The following CYP2F1 variants were observed in gnomAD, a reference collection of about 807,000 sequenced individuals.
The protein encoded by CYP2F1 is cytochrome P450 family 2 subfamily F member 1.
In CYP2F1, 33 loss-of-function variants were observed where a neutral mutation model predicts 40.4. The ratio of observed to expected loss-of-function variants is 0.82; its 90% CI spans 0.62 to 1.09. CYP2F1 has a LOEUF of 1.09. CYP2F1 is among the 50% of genes least tolerant of loss of function. The pLI, the probability that CYP2F1 is intolerant of heterozygous loss-of-function variation, is 0.00. For missense variants in CYP2F1, 566 were observed against 655.7 expected (o/e 0.86, Z 1.49); for synonymous variants, 235 against 277.2 (o/e 0.85, Z 1.51).
chr19:41,119,748 T>TATATATATATATACACAC lies in CYP2F1; in HGVS notation c.335-598_335-597insTATATATATATACACACA, dbSNP rs1337166345. Among the ~76,000 whole-genome samples the TATATATATATATACACAC allele has an allele frequency of 7.8e-4, 28 of 36,088 alleles. 1 individual carries two copies. The highest frequency in any genetic ancestry group is 2.5e-3 in the East Asian group (2 of 812). The allele number at this position is 36,088 out of a possible 152,430, so 23.7% of individuals were successfully genotyped here. A position where few individuals can be genotyped will look rare whatever the true frequency, so the allele number is the denominator to read the frequency against. ...CTATATATATATATATATATATATA[T>TATATATATATATACACAC]ACACACACACACACACACACACACA... On this transcript the variant is annotated intron_variant, in intron 3 of 9. Coordinates refer to ENST00000331105, the MANE Select transcript of CYP2F1 (RefSeq NM_000774.5).
rs754170770 is a variant in CYP2F1 at position 41,124,753 on chromosome 19, ACG to A, written c.1006_1007del (p.Arg336AlafsTer37). 39 of 1,605,724 alleles carry A rather than the reference ACG, an allele frequency of 2.4e-5. No individual in the cohort carries two copies. The East Asian group carries it at 3.3e-4, about 14-fold the overall frequency. The part of the protein sequence containing the change: ...VQEEIDLVVG[R>X]ARLPALKDRA... Reference sequence around the variant, plus strand: ...AGGAGGAGATCGACCTCGTGGTGGGACGCGCGCGGCTGCCGGCGCTGAAGGAC... The same window carrying A: ...AGGAGGAGATCGACCTCGTGGTGGGACGCGCGGCTGCCGGCGCTGAAGGAC... On this transcript the variant is annotated frameshift_variant, in exon 8 of 10. Coordinates refer to ENST00000331105, the MANE Select transcript of CYP2F1 (RefSeq NM_000774.5). LOFTEE classifies it high-confidence loss of function.
At chr19:41,126,995 T>C (rs2032571611) in intron 9 of CYP2F1, among the ~76,000 whole-genome samples, 1 of 152,128 alleles carries the variant, frequency 6.6e-6, no homozygotes, top group Admixed American at 6.6e-5. Context: ...AATAGGTAAC[T>C]TACCATATTG....
At chr19:41,119,748 T>TATATATATATATATATAGACAC (rs1337166345) in intron 3 of CYP2F1, among the ~76,000 whole-genome samples, 1 of 36,076 alleles carries the variant, frequency 2.8e-5, no homozygotes, top group Non-Finnish European at 4.9e-5. Context: ...TATATATATA[T>TATATATATATATATATAGACAC]ACACACACAC....
At chr19:41,124,652 C>A in intron 7 of CYP2F1, 67 bp from the exon 8 acceptor site, 1 of 1,441,196 alleles carries the variant, frequency 6.9e-7, no homozygotes, top group Non-Finnish European at 9.4e-7. Context: ...GCACACACCT[C>A]TTATCAGCCT....
Position 41,122,055 on chromosome 19 carries a change from C to T in CYP2F1, c.744C>T (p.Ser248=), listed in dbSNP as rs1440137208. Residue 248 remains serine (S), a synonymous_variant, in exon 6 of 10, where the codon AGC becomes AGT. Coordinates refer to ENST00000331105, the MANE Select transcript of CYP2F1 (RefSeq NM_000774.5). ...GCCTGAGAGACCTCATCGCCCACAG[C>T]GTCCACGACCACCAGGCCTCGCTAG... is the stretch of plus-strand genomic sequence containing the variant. The part of the protein sequence containing the change: ...FKCLRDLIAH[S]VHDHQASLDP... 8 of 1,611,356 alleles carry T rather than the reference C, an allele frequency of 5.0e-6. No homozygotes were observed. In the Admixed American group the frequency reaches 6.7e-5, roughly 13 times the overall value.
In CYP2F1 at chr19:41,120,439, G is replaced by T. The variant is rs1167150563; in HGVS notation, c.427G>T (p.Glu143Ter). Residue 143 changes from glutamate (E) to a stop codon, truncating the protein, a stop_gained, in exon 4 of 10, where the codon GAG (glutamate) becomes TAG (stop). Transcript: ENST00000331105. LOFTEE classifies it high-confidence loss of function. ...RNFGMGKRSI[E>*]ERILEEGSFL... ...TTTCGGGATGGGGAAGAGAAGCATT[G>T]AGGAGCGAATCCTAGAGGAGGGCAG... is the stretch of plus-strand genomic sequence containing the variant. 1 of 1,614,106 alleles carries T rather than the reference G, an allele frequency of 6.2e-7. No individual in the cohort carries two copies. The highest frequency in any genetic ancestry group is 1.1e-5 in the South Asian group (1 of 91,078).
chr19:41,114,818 G>A (rs1467535546), intron 1 of CYP2F1, among the ~76,000 whole-genome samples: 27 of 119,828 alleles, frequency 2.3e-4, no homozygotes, highest in Non-Finnish European at 3.3e-5. Flanking sequence ...TTTTGAGGCT[G>A]GAGTGCAGTG....
intron 7 of CYP2F1, among the ~76,000 whole-genome samples, chr19:41,124,199 C>A (rs576978331): frequency 6.0e-5 from 9 of 150,738 alleles, no homozygotes; most frequent in Non-Finnish European, 1.3e-4. Context: ...CCCTCACTGA[C>A]CCACTTCCTC....
chr19:41,124,605 G>A (rs1446693445), intron 7 of CYP2F1, 114 bp from the exon 8 acceptor site: 3 of 998,516 alleles, frequency 3.0e-6, no homozygotes, highest in Non-Finnish European at 4.3e-6. Context: ...GTGGCGCCCC[G>A]CGCTGGGAGA....
rs1422627364 is a variant in CYP2F1 at position 41,128,090 on chromosome 19, G to A, written c.*8G>A. 1 of 1,597,728 alleles carries A rather than the reference G, an allele frequency of 6.3e-7. No homozygotes were observed. Among genetic ancestry groups the A allele is most frequent in the Non-Finnish European group, 8.5e-7 (1 of 1,172,406 alleles). ...TGCCTGCGCCCGCGCTAACGCCCCG[G>A]CCCTTCCAGATTCGCCTGTGAGCGA... On this transcript the variant is annotated 3_prime_UTR_variant, in exon 10 of 10. Coordinates refer to ENST00000331105, the MANE Select transcript of CYP2F1 (RefSeq NM_000774.5).
chr19:41,115,752 C>CAAAGAAAGAAAGAAAAAGAAA (rs1303387859), intron 1 of CYP2F1, among the ~76,000 whole-genome samples: 1 of 135,174 alleles, frequency 7.4e-6, no homozygotes. Context: ...AGATGAGAAA[C>CAAAGAAAGAAAGAAAAAGAAA]AAAGAAAGAA....
At chr19:41,119,094 G>A (rs2031987238) in intron 3 of CYP2F1, among the ~76,000 whole-genome samples, 1 of 152,134 alleles carries the variant, frequency 6.6e-6, no homozygotes, top group South Asian at 2.1e-4. Context: ...GGGAGGAGGA[G>A]CCAGAGAAGG....
At position 41,124,722 on chromosome 19, in the gene CYP2F1, G is replaced by T; in HGVS notation, c.968G>T (p.Arg323Leu). ...CCGCTTCCCGCTTCCTCTCCAGCCCGCGTGCAGGAGGAGATCGACCTCGTG... is the reference window on the plus strand; with the variant it reads ...CCGCTTCCCGCTTCCTCTCCAGCCCTCGTGCAGGAGGAGATCGACCTCGTG... ...ALMKYPKVQARVQEEIDLVVG... is the reference protein window; with the variant it reads ...ALMKYPKVQALVQEEIDLVVG... Residue 323 changes from arginine (R) to leucine (L), a missense_variant, in exon 8 of 10, where the codon CGC becomes CTC. By Grantham distance (102) the Arg-to-Leu change is moderately radical. Coordinates refer to ENST00000331105, the MANE Select transcript of CYP2F1 (RefSeq NM_000774.5). 1.2e-6 allele frequency: 2 copies of T among 1,600,514 alleles called. No individual in the cohort carries two copies.
At chr19:41,127,177 A>T (rs1369399248) in intron 9 of CYP2F1, among the ~76,000 whole-genome samples, 4 of 152,120 alleles carry the variant, frequency 2.6e-5, no homozygotes, top group Non-Finnish European at 4.4e-5. Flanking sequence ...CCACATCTAT[A>T]AAATGGAGAT....
chr19:41,124,904 A>C lies in CYP2F1; in HGVS notation c.1150A>C (p.Lys384Gln), dbSNP rs1599683959. Residue 384 changes from lysine (K) to glutamine (Q), a missense_variant and splice_region_variant, in exon 8 of 10, where the codon AAG becomes CAG. Coordinates refer to ENST00000331105, the MANE Select transcript of CYP2F1 (RefSeq NM_000774.5). ...GGCCTTTCGCGGCTTCCTGATACCC[A>C]AGGTGCGCTAGGCCTGGCAAACGAC... Reference protein sequence around the residue: ...DTAFRGFLIPKGTDVITLLNT... With the variant: ...DTAFRGFLIPQGTDVITLLNT... 1.9e-6 allele frequency: 3 copies of C among 1,601,942 alleles called. No homozygotes were observed. The highest frequency in any genetic ancestry group is 2.6e-6 in the Non-Finnish European group (3 of 1,175,934).
At chr19:41,125,119 T>C in intron 8 of CYP2F1, 1 of 573,562 alleles carries the variant, frequency 1.7e-6, no homozygotes, top group Non-Finnish European at 3.0e-6. Flanking sequence ...ACTAGACCCC[T>C]TCACCATGAC....
chr19:41,127,017 T>G (rs2032572302), intron 9 of CYP2F1, among the ~76,000 whole-genome samples: 1 of 152,160 alleles, frequency 6.6e-6, no homozygotes, highest in Non-Finnish European at 1.5e-5. Flanking sequence ...CTACTGTGCG[T>G]CAAGTGCTGC....
At chr19:41,121,286 G>T (rs1182871564) in intron 4 of CYP2F1, among the ~76,000 whole-genome samples, 172 bp from the exon 5 acceptor site, 1 of 151,170 alleles carries the variant, frequency 6.6e-6, no homozygotes, top group African/African-American at 2.5e-5. Flanking sequence ...GGCATTGACA[G>T]ATGCTTTTGG....
chr19:41,123,311 C>G, intron 7 of CYP2F1: 1 of 395,672 alleles, frequency 2.5e-6, no homozygotes, highest in Non-Finnish European at 5.1e-6. Context: ...AAGGGATTCT[C>G]CTGCCTCAGC....
Sources: gnomAD v4.1 joint callset for allele counts (sites outside exome capture counted in the v4.1 genomes callset) on GRCh38, gnomAD v4.1.1 for gene constraint, MANE v1.5 for transcripts, NCBI Gene and HGNC (gene_info 2026-07-23, HGNC 2026-07-21) for gene names.